Variants in ACACA observed in about 807,000 individuals in gnomAD.
ACACA encodes the protein acetyl-CoA carboxylase alpha.
Under a neutral mutation model 296.1 loss-of-function variants are expected in ACACA, and 103 were observed. The ratio of observed to expected loss-of-function variants is 0.35; its 90% confidence interval spans 0.30 to 0.41. The LOEUF is 0.41. Ranked by LOEUF, ACACA falls within the 10% of genes least tolerant of loss-of-function variation. The pLI, the probability that ACACA is intolerant of heterozygous loss-of-function variation, is 1.00. For synonymous variants in ACACA, 953 were observed against 1,038.6 expected (o/e 0.92, Z 1.58); for missense variants, 1,554 against 2,989.7 (o/e 0.52, Z 11.20).
chr17:37,092,320 G>T (rs1183767445), intron 54 of ACACA, among the ~76,000 whole-genome samples: 1 of 151,354 alleles, frequency 6.6e-6, no homozygotes, highest in Non-Finnish European at 1.5e-5. Context: ...TAGTATTCCA[G>T]CGTGGACTTT....
chr17:37,180,269 T>C (rs2077268064), intron 40 of ACACA, among the ~76,000 whole-genome samples: 1 of 152,170 alleles, frequency 6.6e-6, no homozygotes, highest in Non-Finnish European at 1.5e-5. Context: ...AGGCTAGCAA[T>C]GCTATAAAAG....
At chr17:37,334,025 G>A (rs900186852) in intron 2 of ACACA, among the ~76,000 whole-genome samples, 25 of 151,964 alleles carry the variant, frequency 1.6e-4, no homozygotes, top group Admixed American at 5.2e-4. Flanking sequence ...AACCCAAGGA[G>A]TATCCCAGGT....
At chr17:37,148,742 T>A (rs2144069780) in intron 45 of ACACA, among the ~76,000 whole-genome samples, 1 of 152,168 alleles carries the variant, frequency 6.6e-6, no homozygotes, top group East Asian at 1.9e-4. Flanking sequence ...AGGTACTCTT[T>A]TTTTTTTTAA....
intron 29 of ACACA, among the ~76,000 whole-genome samples, chr17:37,218,602 C>T (rs761377343): frequency 6.6e-6 from 1 of 152,082 alleles, no homozygotes; most frequent in South Asian, 2.1e-4. Flanking sequence ...CAAAATGAAT[C>T]GGGTCTTGAA....
At chr17:37,211,282 T>C (rs2078737593) in intron 29 of ACACA, among the ~76,000 whole-genome samples, 1 of 152,186 alleles carries the variant, frequency 6.6e-6, no homozygotes, top group Admixed American at 6.5e-5. Flanking sequence ...TAAAACCTTA[T>C]CTAAATTTGA....
rs2051539290 is a variant in ACACA at position 37,406,830 on chromosome 17, A to C, written c.-531T>G. The C allele has an allele frequency of 6.8e-6, 1 of 146,758 alleles. No individual in the cohort carries two copies. Among genetic ancestry groups the C allele is most frequent in the African/African-American group, 2.5e-5 (1 of 40,462 alleles). 9.1% of individuals were successfully genotyped at this position (146,758 alleles called of 1,614,324 possible). On this transcript the variant is annotated 5_prime_UTR_variant, in exon 1 of 56. Transcript: ENST00000616317. ...GGGGGCCTCCACGGCCGAGGGGCGGAGGCGGCGGGCGCGCGGCACGCGGCG... is the reference window on the plus strand; with the variant it reads ...GGGGGCCTCCACGGCCGAGGGGCGGCGGCGGCGGGCGCGCGGCACGCGGCG...
intron 52 of ACACA, among the ~76,000 whole-genome samples, chr17:37,106,651 C>A (rs144778528): frequency 2.0e-5 from 3 of 152,338 alleles, no homozygotes; most frequent in African/African-American, 7.2e-5. Flanking sequence ...GGGAACAGCA[C>A]AGAATTCTCT....
At chr17:37,089,913 T>G (rs2072496807) in intron 54 of ACACA, among the ~76,000 whole-genome samples, 1 of 152,244 alleles carries the variant, frequency 6.6e-6, no homozygotes, top group African/African-American at 2.4e-5. Context: ...GAAAACCAAG[T>G]ACCACAATTA....
intron 1 of ACACA, among the ~76,000 whole-genome samples, chr17:37,349,573 T>A (rs1238777704): frequency 2.7e-5 from 4 of 150,212 alleles, no homozygotes; most frequent in Non-Finnish European, 5.9e-5. Flanking sequence ...TTTTTTTTTT[T>A]TGAGACAGAG....
chr17:37,102,601 G>A (rs1202847109), intron 52 of ACACA, among the ~76,000 whole-genome samples: 2 of 152,232 alleles, frequency 1.3e-5, no homozygotes, highest in Non-Finnish European at 2.9e-5. Context: ...AGGCTGGCAA[G>A]CAGATATCCT....
chr17:37,155,969 C>T (rs1183407128), intron 42 of ACACA, among the ~76,000 whole-genome samples, 189 bp from the exon 43 acceptor site: 1 of 151,292 alleles, frequency 6.6e-6, no homozygotes, highest in Non-Finnish European at 1.5e-5. Context: ...CCTATTTTTT[C>T]ACTCACTAAC....
At chr17:37,144,507 G>A in intron 45 of ACACA, 1 of 221,578 alleles carries the variant, frequency 4.5e-6, no homozygotes, top group Non-Finnish European at 9.0e-6. Context: ...TGAGCATGGA[G>A]ACTACACAGT....
intron 1 of ACACA, chr17:37,388,879 A>G: frequency 6.6e-7 from 1 of 1,511,900 alleles, no homozygotes; most frequent in Non-Finnish European, 9.0e-7. Flanking sequence ...TAAGGAGAAA[A>G]GCATAGACTT....
intron 35 of ACACA, among the ~76,000 whole-genome samples, chr17:37,194,933 A>ACCCCCC (rs111271581): frequency 1.5e-4 from 23 of 150,434 alleles, no homozygotes; most frequent in African/African-American, 5.4e-4. Context: ...ATTCTCTGAC[A>ACCCCCC]CCCCCCCCAC....
At chr17:37,269,254 A>G (rs1325493362) in intron 10 of ACACA, among the ~76,000 whole-genome samples, 3 of 152,190 alleles carry the variant, frequency 2.0e-5, no homozygotes, top group Non-Finnish European at 4.4e-5. Flanking sequence ...GATTATAGGC[A>G]TAAGCCACCA....
intron 39 of ACACA, among the ~76,000 whole-genome samples, chr17:37,182,450 C>T (rs73982258): frequency 6.6e-6 from 1 of 152,116 alleles, no homozygotes; most frequent in Non-Finnish European, 1.5e-5. Context: ...AATGAAATCA[C>T]TACACTGGTT....
intron 25 of ACACA, among the ~76,000 whole-genome samples, chr17:37,232,788 T>A (rs903486648): frequency 3.9e-5 from 6 of 151,942 alleles, no homozygotes; most frequent in Non-Finnish European, 8.8e-5. Flanking sequence ...GTTTTTTTTT[T>A]AAAGAAAAAT....
At chr17:37,117,792 T>G (rs895795745) in intron 50 of ACACA, among the ~76,000 whole-genome samples, 1 of 151,876 alleles carries the variant, frequency 6.6e-6, no homozygotes, top group Admixed American at 6.6e-5. Context: ...TAGTAGAGTT[T>G]TTTTTTTTTC....
At chr17:37,237,155 T>C (rs1453424956) in intron 24 of ACACA, among the ~76,000 whole-genome samples, 3 of 152,214 alleles carry the variant, frequency 2.0e-5, no homozygotes, top group East Asian at 3.8e-4. Flanking sequence ...CTTAACATTG[T>C]ATTTTTGAGA....
Sources: allele counts gnomAD v4.1 joint callset (sites outside exome capture counted in the v4.1 genomes callset), GRCh38; gene constraint gnomAD v4.1.1; transcripts MANE v1.5; gene names NCBI Gene and HGNC (gene_info 2026-07-23, HGNC 2026-07-21).